The following CFAP77 variants were observed in gnomAD, a reference collection of about 807,000 sequenced individuals.
CFAP77 encodes the protein cilia- and flagella-associated protein 77.
In CFAP77, 25 loss-of-function variants were observed where a neutral mutation model predicts 31.1. The observed-to-expected ratio is 0.80, with a 90% CI of 0.59 to 1.12. The LOEUF (loss-of-function observed/expected upper bound fraction) is 1.12. Ranked by LOEUF, CFAP77 falls within the 50% of genes most tolerant of loss-of-function variation. The probability of loss-of-function intolerance (pLI) is 0.00; values close to 1 mark genes in which losing one functional copy is unlikely to be tolerated. For missense variants in CFAP77, 377 were observed against 397.3 expected (o/e 0.95, Z 0.44); for synonymous variants, 151 against 159.9 (o/e 0.94, Z 0.42).
At chr9:132,441,695 C>T (rs1742303859) in intron 1 of CFAP77, among the ~76,000 whole-genome samples, 1 of 152,308 alleles carries the variant, frequency 6.6e-6, no homozygotes, top group East Asian at 1.9e-4. Flanking sequence ...CCTCGGTGCG[C>T]GGAGGCAGAG....
rs528771162 is a variant in CFAP77, at chr9:132,482,567, G to C, written c.196-16128G>C. ...CTAAATGTTGTCATTACGCCATGGGGTGGGGACGGTTATTCCCTGTTTAAT... is the reference window on the plus strand; with the variant it reads ...CTAAATGTTGTCATTACGCCATGGGCTGGGGACGGTTATTCCCTGTTTAAT... On this transcript the variant is annotated intron_variant, in intron 1 of 5. Transcript: ENST00000393216. 35 of 667,234 alleles carry C rather than the reference G, an allele frequency of 5.2e-5. No homozygotes were observed. The East Asian group carries it at 7.4e-4, about 14-fold the overall frequency. The allele number at this position is 667,234 out of a possible 1,614,324, so 41.3% of individuals were successfully genotyped here. A position where few individuals can be genotyped will look rare whatever the true frequency, so the allele number is the denominator to read the frequency against.
In CFAP77 at chr9:132,552,014, G is replaced by T. The variant is rs1239765464; in HGVS notation, c.732+8967G>T. 1.3e-5 allele frequency among the ~76,000 whole-genome samples: 2 copies of T among 152,232 alleles called. No individual in the cohort carries two copies. The highest frequency in any genetic ancestry group is 2.9e-5 in the Non-Finnish European group (2 of 68,038). ...CCTCTAGACCTTGATAAAACCTCGG[G>T]CATCTTTTAAATTGCAGTTTGGCCC... On this transcript the variant is annotated intron_variant, in intron 5 of 5. Coordinates refer to ENST00000393216, the MANE Select transcript of CFAP77 (RefSeq NM_001282957.2). The surrounding 1 kb of genome is among the most constrained non-coding windows in gnomAD (Gnocchi z 5.5).
chr9:132,507,225 T>C (rs1382905335), intron 3 of CFAP77, among the ~76,000 whole-genome samples: 1 of 152,236 alleles, frequency 6.6e-6, no homozygotes, highest in Non-Finnish European at 1.5e-5. Flanking sequence ...CGCCAGGATC[T>C]GTGGTGCTGA....
intron 1 of CFAP77, among the ~76,000 whole-genome samples, chr9:132,421,287 C>T (rs1850211684): frequency 1.3e-5 from 2 of 151,602 alleles, no homozygotes; most frequent in East Asian, 1.9e-4. Context: ...CCACCATGCC[C>T]GGCCTTGGGC....
intron 1 of CFAP77, among the ~76,000 whole-genome samples, chr9:132,457,179 C>T (rs913560031): frequency 3.7e-4 from 56 of 152,076 alleles, no homozygotes; most frequent in African/African-American, 8.9e-4. Flanking sequence ...CCAAGGTTTG[C>T]GTATTCTCTG....
At chr9:132,492,337 A>T (rs1482473865) in intron 1 of CFAP77, among the ~76,000 whole-genome samples, 1 of 152,160 alleles carries the variant, frequency 6.6e-6, no homozygotes, top group Non-Finnish European at 1.5e-5. Flanking sequence ...CAACAAAAAC[A>T]GCAGACTTTA....
intron 5 of CFAP77, among the ~76,000 whole-genome samples, chr9:132,563,980 T>G (rs1829855994): frequency 6.6e-6 from 1 of 152,216 alleles, no homozygotes; most frequent in African/African-American, 2.4e-5. Context: ...TTTGAGTATC[T>G]GCTTGTGTGC....
At chr9:132,445,272 C>A (rs1001865368) in intron 1 of CFAP77, among the ~76,000 whole-genome samples, 1 of 152,142 alleles carries the variant, frequency 6.6e-6, no homozygotes, top group Admixed American at 6.5e-5. Flanking sequence ...CTGTGCCTGG[C>A]CTCACTGTTC....
chr9:132,546,829 G>A (rs1852740071), intron 5 of CFAP77, among the ~76,000 whole-genome samples: 2 of 152,332 alleles, frequency 1.3e-5, no homozygotes, highest in East Asian at 1.9e-4. Context: ...TTATGCCTGG[G>A]CTCTCTCTCC....
At chr9:132,423,374 A>G (rs1030912081) in intron 1 of CFAP77, among the ~76,000 whole-genome samples, 2 of 152,102 alleles carry the variant, frequency 1.3e-5, no homozygotes, top group Non-Finnish European at 2.9e-5. Flanking sequence ...CTGGCTGTAG[A>G]CCATTTGATC....
At position 132,499,747 on chromosome 9, in the gene CFAP77, T is replaced by A; in HGVS notation, c.524+147T>A. On this transcript the variant is annotated intron_variant, in intron 3 of 5. Coordinates refer to ENST00000393216, the MANE Select transcript of CFAP77 (RefSeq NM_001282957.2). This position sits in a 1 kb window ranked among gnomAD's most constrained non-coding sequence, Gnocchi z 5.4. ...CAATGACTCTCTCTTGTGTGACCTCTATAGCCACACCCTGAATCCTGCTGA... is the reference window on the plus strand; with the variant it reads ...CAATGACTCTCTCTTGTGTGACCTCAATAGCCACACCCTGAATCCTGCTGA... 1 of 749,130 alleles carries A rather than the reference T, an allele frequency of 1.3e-6. No homozygotes were observed. The highest frequency in any genetic ancestry group is 2.2e-6 in the Non-Finnish European group (1 of 446,838). The allele number at this position is 749,130 out of a possible 1,614,324, so 46.4% of individuals were successfully genotyped here.
intron 1 of CFAP77, among the ~76,000 whole-genome samples, chr9:132,459,864 G>A (rs1368990031): frequency 6.6e-6 from 1 of 151,294 alleles, no homozygotes; most frequent in Non-Finnish European, 1.5e-5. Flanking sequence ...GTGTGTGAGT[G>A]TGTGTATGTG....
At chr9:132,425,824 A>T (rs1273327991) in intron 1 of CFAP77, among the ~76,000 whole-genome samples, 1 of 152,234 alleles carries the variant, frequency 6.6e-6, no homozygotes, top group Non-Finnish European at 1.5e-5. Context: ...ATAATTTCCC[A>T]CTGTGTTAGA....
intron 1 of CFAP77, among the ~76,000 whole-genome samples, chr9:132,468,351 CAAAA>C (rs1200394080): frequency 6.6e-6 from 1 of 151,992 alleles, no homozygotes; most frequent in Admixed American, 6.6e-5. Context: ...TCTCAAAAAA[CAAAA>C]AACCACAGAT....
intron 5 of CFAP77, among the ~76,000 whole-genome samples, chr9:132,566,863 C>T (rs1829890372): frequency 6.6e-6 from 1 of 152,218 alleles, no homozygotes; most frequent in Admixed American, 6.5e-5. Flanking sequence ...CATTCAAGTC[C>T]CTCCTGGCAT....
chr9:132,523,617 A>T (rs996014547), intron 3 of CFAP77, among the ~76,000 whole-genome samples: 1 of 152,192 alleles, frequency 6.6e-6, no homozygotes, highest in African/African-American at 2.4e-5. Context: ...GGGGGGTCCG[A>T]GAACACCTGA....
rs1852867351 is a variant in CFAP77, at chr9:132,554,501, A to G, written c.732+11454A>G. ...CAGGTGCACACCACCATGCCCGGCTAATTTTTTTTATGTTTTGTAGAGATG... is the reference window on the plus strand; with the variant it reads ...CAGGTGCACACCACCATGCCCGGCTGATTTTTTTTATGTTTTGTAGAGATG... On this transcript the variant is annotated intron_variant, in intron 5 of 5. Coordinates refer to ENST00000393216, the MANE Select transcript of CFAP77 (RefSeq NM_001282957.2). This position sits in a 1 kb window ranked among gnomAD's most constrained non-coding sequence, Gnocchi z 4.1. Among the ~76,000 whole-genome samples, 1 of 151,924 alleles carries G rather than the reference A, an allele frequency of 6.6e-6. No individual in the cohort carries two copies. The highest frequency in any genetic ancestry group is 2.1e-4 in the South Asian group (1 of 4,818).
intron 3 of CFAP77, among the ~76,000 whole-genome samples, chr9:132,522,511 G>A (rs904162894): frequency 6.6e-6 from 1 of 152,092 alleles, no homozygotes; most frequent in Non-Finnish European, 1.5e-5. Context: ...GGGGCTCTCC[G>A]CCTGGGGCAA....
At chr9:132,483,936 CTTTTT>C (rs1193968732) in intron 1 of CFAP77, among the ~76,000 whole-genome samples, 1 of 132,994 alleles carries the variant, frequency 7.5e-6, no homozygotes, top group African/African-American at 2.8e-5. Context: ...GAGGTATTGT[CTTTTT>C]TTTTTTTTTT....
Sources: allele counts gnomAD v4.1 joint callset (sites outside exome capture counted in the v4.1 genomes callset), GRCh38; gene constraint gnomAD v4.1.1; non-coding constraint Gnocchi (gnomAD v3.1); transcripts MANE v1.5; gene names NCBI Gene and HGNC (gene_info 2026-07-23, HGNC 2026-07-21).